Variants in NTRK2 observed in about 807,000 individuals in gnomAD.
NTRK2 encodes the protein BDNF/NT-3 growth factors receptor.
In NTRK2, 13 loss-of-function variants were observed where a neutral mutation model predicts 94.5. That is an observed-to-expected ratio of 0.14 (90% CI 0.09 to 0.22). The LOEUF (loss-of-function observed/expected upper bound fraction) is 0.22, where lower values mean the gene tolerates loss of function less well. Ranked by LOEUF, NTRK2 falls within the 10% of genes least tolerant of loss-of-function variation. The pLI is 1.00. For missense variants in NTRK2, 639 were observed against 1,071.2 expected (o/e 0.60, Z 5.63); for synonymous variants, 372 against 407.4 (o/e 0.91, Z 1.05).
intron 12 of NTRK2, among the ~76,000 whole-genome samples, chr9:84,815,990 TAAA>T (rs34917078): frequency 1.4e-5 from 2 of 139,134 alleles, no homozygotes; most frequent in East Asian, 2.0e-4. Flanking sequence ...AGGCAATCCT[TAAA>T]AAAAAAAAAA....
At chr9:84,893,869 A>G (rs2076669497) in intron 14 of NTRK2, among the ~76,000 whole-genome samples, 1 of 152,198 alleles carries the variant, frequency 6.6e-6, no homozygotes, top group Admixed American at 6.5e-5. Flanking sequence ...TTCCACACCT[A>G]CAGAGTTCTT....
At position 84,670,045 on chromosome 9, in the gene NTRK2, C is replaced by T. The variant is rs150452683; in HGVS notation, c.-373+157C>T. On this transcript the variant is annotated intron_variant, in intron 1 of 18. Transcript: ENST00000277120. The stretch of plus-strand genomic sequence containing the variant: ...ATTCTGCAGCATCATTCGGGGGCCC[C>T]GTCGCGGAGCCAAAGCCGCCGGCAG... Among the ~76,000 whole-genome samples the T allele has an allele frequency of 5.3e-3, 809 of 152,300 alleles. 3 individuals are homozygous for T. Among genetic ancestry groups the T allele is most frequent in the African/African-American group, 0.015 (633 of 41,576 alleles).
chr9:85,018,324 T>G (rs1381763747), intron 17 of NTRK2, among the ~76,000 whole-genome samples: 1 of 152,194 alleles, frequency 6.6e-6, no homozygotes, highest in Non-Finnish European at 1.5e-5. Context: ...GCAAGGAGAC[T>G]AGAGATGCTT....
In NTRK2 at chr9:84,876,572, C is replaced by T. The variant is rs201506613; in HGVS notation, c.1633+9141C>T. The T allele has an allele frequency of 2.5e-5, 26 of 1,056,684 alleles. 1 individual carries two copies. The highest frequency in any genetic ancestry group is 1.4e-4 in the South Asian group (3 of 21,918). 65.5% of individuals were successfully genotyped at this position (1,056,684 alleles called of 1,614,324 possible). On this transcript the variant is annotated intron_variant, in intron 14 of 18. Coordinates refer to ENST00000277120, the MANE Select transcript of NTRK2 (RefSeq NM_006180.6). ...TAATAGAGTACTTGAGCCAGATGGA[C>T]TAACTGGTCTCACATTTTCTCTATC... is the stretch of plus-strand genomic sequence containing the variant.
intron 12 of NTRK2, chr9:84,815,113 TA>T (rs1175526346): frequency 3.8e-6 from 4 of 1,057,608 alleles, no homozygotes; most frequent in Non-Finnish European, 4.6e-6. Context: ...AATTTCCCAC[TA>T]AAGTCAGTCC....
intron 14 of NTRK2, chr9:84,874,537 T>C (rs764378030): frequency 6.9e-5 from 74 of 1,064,906 alleles, no homozygotes; most frequent in Non-Finnish European, 6.9e-5. Flanking sequence ...TGGGTTTTTG[T>C]TTGTTTTTGT....
At chr9:84,939,182 G>GAT (rs750864224) in intron 15 of NTRK2, among the ~76,000 whole-genome samples, 43 of 151,414 alleles carry the variant, frequency 2.8e-4, no homozygotes, top group Admixed American at 6.6e-4. Flanking sequence ...CTGTAAAGAT[G>GAT]ATATATATAT....
intron 12 of NTRK2, among the ~76,000 whole-genome samples, chr9:84,777,807 C>T (rs2067198321): frequency 6.6e-6 from 1 of 152,162 alleles, no homozygotes; most frequent in Non-Finnish European, 1.5e-5. Flanking sequence ...GTAGTTTGAT[C>T]ATGCAAGAGG....
At chr9:84,902,216 T>TA (rs540837897) in intron 14 of NTRK2, among the ~76,000 whole-genome samples, 41 of 144,084 alleles carry the variant, frequency 2.8e-4, no homozygotes, top group African/African-American at 5.3e-4. Context: ...AATTAAAAAT[T>TA]AAAAAAAAAA....
chr9:85,024,416 CCATTTAGAAGT>C lies in NTRK2; in HGVS notation c.*2984_*2994del. ...CCCAAACCTGGTCTGACAATCATTTCCATTTAGAAGTCATTGAATAGTTTTCCAAACACTTT... is the reference window on the plus strand; with the variant it reads ...CCCAAACCTGGTCTGACAATCATTTCCATTGAATAGTTTTCCAAACACTTT... On this transcript the variant is annotated 3_prime_UTR_variant, in exon 19 of 19. Transcript: ENST00000277120. 1 of 233,038 alleles carries C rather than the reference CCATTTAGAAGT, an allele frequency of 4.3e-6. No homozygotes were observed. The highest frequency in any genetic ancestry group is 8.5e-6 in the Non-Finnish European group (1 of 117,900). The allele number at this position is 233,038 out of a possible 1,614,324, so 14.4% of individuals were successfully genotyped here.
chr9:84,875,729 TG>T (rs1378030966), intron 14 of NTRK2: 1 of 1,053,248 alleles, frequency 9.5e-7, no homozygotes, highest in Admixed American at 5.4e-5. Flanking sequence ...TGATGGAGTT[TG>T]CTGTCCAGTG....
At chr9:84,707,738 A>T (rs2061196119) in intron 4 of NTRK2, 106 bp from the exon 5 acceptor site, 1 of 881,240 alleles carries the variant, frequency 1.1e-6, no homozygotes, top group Admixed American at 1.8e-5. Context: ...AAGCTTATAT[A>T]ATGATCAAAT....
chr9:84,670,573 G>A lies in NTRK2; in HGVS notation c.-176G>A, dbSNP rs981970658. 1 of 675,936 alleles carries A rather than the reference G, an allele frequency of 1.5e-6. No homozygotes were observed. The highest frequency in any genetic ancestry group is 2.6e-5 in the East Asian group (1 of 38,020). The allele number at this position is 675,936 out of a possible 1,614,324, so 41.9% of individuals were successfully genotyped here. A position where few individuals can be genotyped will look rare whatever the true frequency, so the allele number is the denominator to read the frequency against. On this transcript the variant is annotated 5_prime_UTR_variant, in exon 2 of 19. Coordinates refer to ENST00000277120, the MANE Select transcript of NTRK2 (RefSeq NM_006180.6). ...CCACTGTGAACCCTGCCGCCTGCCG[G>A]AACACTCTTCGCTCCGGACCAGCTC...
chr9:84,879,052 G>A (rs1452683908), intron 14 of NTRK2, among the ~76,000 whole-genome samples: 1 of 152,136 alleles, frequency 6.6e-6, no homozygotes, highest in Admixed American at 6.5e-5. Context: ...GCAGATAAGT[G>A]CATGCTCATC....
At chr9:84,874,017 G>A in intron 14 of NTRK2, 1 of 1,064,200 alleles carries the variant, frequency 9.4e-7, no homozygotes, top group South Asian at 4.6e-5. Context: ...AAGCATCAGT[G>A]ATGTTCTAGA....
chr9:85,020,193 C>T lies in NTRK2; in HGVS notation c.2173-13C>T, dbSNP rs2117925668. 2 of 1,613,912 alleles carry T rather than the reference C, an allele frequency of 1.2e-6. No homozygotes were observed. The highest frequency in any genetic ancestry group is 1.7e-6 in the Non-Finnish European group (2 of 1,179,976). On this transcript the variant is annotated splice_polypyrimidine_tract_variant and intron_variant, in intron 17 of 18. Coordinates refer to ENST00000277120, the MANE Select transcript of NTRK2 (RefSeq NM_006180.6). The stretch of plus-strand genomic sequence containing the variant: ...GGTGACTGATGCCTCCCTGTTGATC[C>T]CTTTCTCCCCAGGTCGGTGGCCACA...
rs1450240100 is a variant in NTRK2, at chr9:85,023,232, T to C, written c.*1795T>C. ...ATTTCTGTTCCTCAAGAAAACTTGC[T>C]ACCCTCTGTGAGGGGAATTTTGCTA... On this transcript the variant is annotated 3_prime_UTR_variant, in exon 19 of 19. Transcript: ENST00000277120. The C allele has an allele frequency of 1.7e-5, 4 of 232,800 alleles. No individual in the cohort carries two copies. The highest frequency in any genetic ancestry group is 3.4e-5 in the Non-Finnish European group (4 of 117,810). The allele number at this position is 232,800 out of a possible 1,614,324, so 14.4% of individuals were successfully genotyped here. A position where few individuals can be genotyped will look rare whatever the true frequency, so the allele number is the denominator to read the frequency against.
At chr9:84,907,759 G>A (rs1451039961) in intron 14 of NTRK2, among the ~76,000 whole-genome samples, 2 of 151,164 alleles carry the variant, frequency 1.3e-5, no homozygotes, top group East Asian at 1.9e-4. Context: ...AATAAAGGTG[G>A]TTGTGGACTT....
intron 13 of NTRK2, among the ~76,000 whole-genome samples, chr9:84,863,398 C>T (rs1330127835): frequency 2.6e-5 from 4 of 152,162 alleles, no homozygotes; most frequent in Admixed American, 6.5e-5. Flanking sequence ...CTAAATCAGC[C>T]AAGTGTGCAC....
Sources: gnomAD v4.1 joint callset for allele counts (sites outside exome capture counted in the v4.1 genomes callset) on GRCh38, gnomAD v4.1.1 for gene constraint, MANE v1.5 for transcripts, NCBI Gene and HGNC (gene_info 2026-07-23, HGNC 2026-07-21) for gene names.